NR4A1: variants seen among roughly 807,000 people sequenced by gnomAD.
NR4A1 encodes nuclear receptor subfamily 4 group A member 1.
NR4A1 carries 24 observed loss-of-function variants against 47.5 expected under a neutral mutation model. The observed-to-expected ratio is 0.50, with a 90% CI of 0.37 to 0.71. NR4A1 has a LOEUF of 0.71. Ranked by LOEUF, NR4A1 falls within the 30% of genes least tolerant of loss-of-function variation. The pLI is 0.00. For synonymous variants in NR4A1, 353 were observed against 345.7 expected (o/e 1.02, Z -0.24); for missense variants, 669 against 788.6 (o/e 0.85, Z 1.82).
Position 52,059,063 on chromosome 12 carries a change from T to A in NR4A1, c.*119T>A. The A allele has an allele frequency of 7.8e-7, 1 of 1,279,278 alleles. No individual in the cohort carries two copies. Among genetic ancestry groups the A allele is most frequent in the South Asian group, 1.5e-5 (1 of 66,480 alleles). 79.2% of individuals were successfully genotyped at this position (1,279,278 alleles called of 1,614,324 possible). A position where few individuals can be genotyped will look rare whatever the true frequency, so the allele number is the denominator to read the frequency against. On this transcript the variant is annotated 3_prime_UTR_variant, in exon 7 of 7. Coordinates refer to ENST00000394825, the MANE Select transcript of NR4A1 (RefSeq NM_173157.3). Reference sequence around the variant, plus strand: ...GCTTGAGCTGCAGAATGACTCCACCTTCTCACCTGCTCCAGGAGGTTTGCA... The same window carrying A: ...GCTTGAGCTGCAGAATGACTCCACCATCTCACCTGCTCCAGGAGGTTTGCA...
intron 6 of NR4A1, chr12:52,058,415 G>A (rs12369099): frequency 1.0e-5 from 5 of 486,374 alleles, no homozygotes; most frequent in East Asian, 7.0e-5. Context: ...GCCAGAAAAC[G>A]TAGGTTAGGA....
At chr12:52,045,732 T>C (rs1296809673) in intron 2 of NR4A1, among the ~76,000 whole-genome samples, 1 of 151,632 alleles carries the variant, frequency 6.6e-6, no homozygotes. Context: ...AGGGGAGGAG[T>C]GCGGCCACTA....
upstream of NR4A1, among the ~76,000 whole-genome samples, chr12:52,048,644 G>A (rs141286777): frequency 6.8e-4 from 104 of 152,248 alleles, no homozygotes; most frequent in African/African-American, 2.5e-3. Context: ...TGGGGTGGAG[G>A]GAGACATCCT....
chr12:52,057,405 G>A lies in NR4A1; in HGVS notation c.1415G>A (p.Arg472Gln), dbSNP rs753307408. ...LIFCSGLVLH[R>Q]LQCARGFGDW... is the part of the protein sequence containing the mutation. ...TTCTGCTCAGGCCTGGTGCTACACC[G>A]GCTGCAGTGTGCCCGTGGCTTCGGG... Residue 472 changes from arginine to glutamine, a missense_variant, in exon 6 of 7, where the codon CGG becomes CAG. Transcript: ENST00000394825. 10 of 1,614,216 alleles carry A rather than the reference G, an allele frequency of 6.2e-6. No homozygotes were observed. The highest frequency in any genetic ancestry group is 4.0e-5 in the African/African-American group (3 of 75,048).
rs150656674 is a variant in NR4A1 at position 52,057,526 on chromosome 12, C to G, written c.1536C>G (p.Ile512Met). The G allele has an allele frequency of 4.4e-4, 704 of 1,613,798 alleles. 8 individuals are homozygous for G. The highest frequency in any genetic ancestry group is 1.5e-4 in the Admixed American group (9 of 60,000). The change falls in exon 6 of 7, where the codon ATC becomes ATG. Residue 512 changes from isoleucine (I) to methionine (M), a missense_variant. Physicochemically the swap from Ile to Met is conservative, Grantham distance 10 (BLOSUM62 1). Transcript: ENST00000394825. ...CCTGCCTCTCTGCCCTTGTCCTCATCACCGGTGAGTGACCAGCACCACACC... is the reference window on the plus strand; with the variant it reads ...CCTGCCTCTCTGCCCTTGTCCTCATGACCGGTGAGTGACCAGCACCACACC... ...AFACLSALVL[I>M]TDRHGLQEPR... is the part of the protein sequence containing the mutation.
chr12:52,055,056 C>T lies in NR4A1; in HGVS notation c.728C>T (p.Ser243Leu), dbSNP rs375991594. Residue 243 changes from serine to leucine, a missense_variant, in exon 2 of 7, where the codon TCG (serine) becomes TTG (leucine). By Grantham distance (145) the Ser-to-Leu change is moderately radical (BLOSUM62 -2). Coordinates refer to ENST00000394825, the MANE Select transcript of NR4A1 (RefSeq NM_173157.3). The stretch of plus-strand genomic sequence containing the variant: ...CCCACTTCTCCACACCTTGAGGGCT[C>T]GGGGATACTGGATACACCCGTGACC... ...LAPTSPHLEGSGILDTPVTST... is the reference protein window; with the variant it reads ...LAPTSPHLEGLGILDTPVTST... 49 of 1,614,216 alleles carry T rather than the reference C, an allele frequency of 3.0e-5. No individual in the cohort carries two copies. The Middle Eastern group carries it at 1.3e-3, about 43-fold the overall frequency.
At chr12:52,047,329 G>A (rs1938687043), upstream of NR4A1, among the ~76,000 whole-genome samples, 1 of 152,152 alleles carries the variant, frequency 6.6e-6, no homozygotes, top group Non-Finnish European at 1.5e-5. Flanking sequence ...TCCACTAGCT[G>A]GACCCCACTC....
At chr12:52,044,375 C>T (rs567385695) in intron 2 of NR4A1, among the ~76,000 whole-genome samples, 36 of 152,298 alleles carry the variant, frequency 2.4e-4, no homozygotes, top group African/African-American at 3.8e-4. Flanking sequence ...GGCCCTTGCC[C>T]GGCCTCCCAG....
intron 6 of NR4A1, among the ~76,000 whole-genome samples, chr12:52,057,968 A>G (rs1035384183): frequency 2.0e-5 from 3 of 151,962 alleles, no homozygotes; most frequent in African/African-American, 7.3e-5. Context: ...TGCCCTCCCC[A>G]AGGGTAACCA....
At chr12:52,046,911 A>G (rs916731625), upstream of NR4A1, among the ~76,000 whole-genome samples, 1 of 152,186 alleles carries the variant, frequency 6.6e-6, no homozygotes, top group Admixed American at 6.5e-5. Context: ...CAGTATGCAC[A>G]GTGGGTGAAA....
At chr12:52,043,697 A>C in intron 2 of NR4A1, 1 of 1,246,072 alleles carries the variant, frequency 8.0e-7, no homozygotes, top group Non-Finnish European at 1.0e-6. Context: ...TAAACAGAGG[A>C]GGACACGCCG....
upstream of NR4A1, among the ~76,000 whole-genome samples, chr12:52,047,046 G>T (rs1039233934): frequency 2.0e-5 from 3 of 148,054 alleles, no homozygotes; most frequent in African/African-American, 7.7e-5. Context: ...GACTAGGTGG[G>T]GCTGTCTCGT....
chr12:52,037,689 T>A, intron 1 of NR4A1: 2 of 985,202 alleles, frequency 2.0e-6, no homozygotes, highest in Non-Finnish European at 1.2e-6. Context: ...GCGCTGGAGG[T>A]GGCCAGGCCA....
chr12:52,058,331 C>T, intron 6 of NR4A1: 1 of 254,100 alleles, frequency 3.9e-6, no homozygotes, highest in Non-Finnish European at 7.4e-6. Flanking sequence ...CAGAGGTACT[C>T]TGGGCTGAGG....
intron 2 of NR4A1, chr12:52,043,518 G>T: frequency 2.9e-6 from 1 of 346,306 alleles, no homozygotes; most frequent in Non-Finnish European, 5.2e-6. Flanking sequence ...CTTGTGACGT[G>T]GGCACCTGTC....
chr12:52,035,238 C>T lies in NR4A1; in HGVS notation c.-83-6572C>T, dbSNP rs116254822. Among the ~76,000 whole-genome samples the T allele has an allele frequency of 4.1e-3, 630 of 152,278 alleles. 4 individuals carry two copies. Among genetic ancestry groups the T allele is most frequent in the African/African-American group, 0.014 (570 of 41,546 alleles). Reference sequence around the variant, plus strand: ...CGCCGCCTCCACATGCCACCCAAAGCGTGCGTGTTCTGGCATTCCACATTT... The same window carrying T: ...CGCCGCCTCCACATGCCACCCAAAGTGTGCGTGTTCTGGCATTCCACATTT... On this transcript the variant is annotated intron_variant, in intron 1 of 7. Coordinates refer to the NR4A1 transcript ENST00000360284.
In NR4A1 at chr12:52,055,828, C is replaced by A. The variant is rs913538844; in HGVS notation, c.877-202C>A. The A allele has an allele frequency of 5.3e-5, 25 of 467,972 alleles. No homozygotes were observed. In the Admixed American group the frequency reaches 9.6e-4, roughly 18 times the overall value. 29.0% of individuals were successfully genotyped at this position (467,972 alleles called of 1,614,324 possible). A position where few individuals can be genotyped will look rare whatever the true frequency, so the allele number is the denominator to read the frequency against. The stretch of plus-strand genomic sequence containing the variant: ...GGGACTTCCTCAGAGCGAGAAACCT[C>A]CCCCAATGTCTTCAAGACTTTTCTC... On this transcript the variant is annotated intron_variant, in intron 2 of 6. Transcript: ENST00000394825.
rs1245580179 is a variant in NR4A1, at chr12:52,056,073, A to G, written c.920A>G (p.Lys307Arg). The change falls in exon 3 of 7, where the codon AAG becomes AGG. Residue 307 changes from lysine to arginine, a missense_variant. By Grantham distance (26) the Lys-to-Arg change is conservative. Transcript: ENST00000394825. ...KNAKYICLANKDCPVDKRRRN... is the reference protein window; with the variant it reads ...KNAKYICLANRDCPVDKRRRN... The stretch of plus-strand genomic sequence containing the variant: ...GCCAAGTACATCTGCCTGGCTAACA[A>G]GGACTGCCCTGTGGACAAGAGGCGG... 1 of 1,607,894 alleles carries G rather than the reference A, an allele frequency of 6.2e-7. No individual in the cohort carries two copies. Among genetic ancestry groups the G allele is most frequent in the African/African-American group, 1.3e-5 (1 of 74,630 alleles).
intron 1 of NR4A1, among the ~76,000 whole-genome samples, chr12:52,038,915 A>T (rs1050218073): frequency 1.1e-4 from 16 of 152,160 alleles, no homozygotes; most frequent in Non-Finnish European, 2.1e-4. Context: ...TGCTCTCTGG[A>T]TGGAGGCTGT....
Sources: allele counts gnomAD v4.1 joint callset (sites outside exome capture counted in the v4.1 genomes callset), GRCh38; gene constraint gnomAD v4.1.1; transcripts MANE v1.5; gene names NCBI Gene and HGNC (gene_info 2026-07-23, HGNC 2026-07-21).